NDC1: variants seen among roughly 807,000 people sequenced by gnomAD.
NDC1 encodes the protein NDC1 transmembrane nucleoporin.
In NDC1, 24 loss-of-function variants were observed where a neutral mutation model predicts 89.8. The observed-to-expected ratio is 0.27, with a 90% confidence interval of 0.19 to 0.38. The LOEUF is 0.38. Ranked by LOEUF, NDC1 falls within the 10% of genes least tolerant of loss-of-function variation. The pLI is 1.00. For synonymous variants in NDC1, 296 were observed against 284.8 expected, an observed-to-expected ratio of 1.04 and a Z score of -0.39; for missense variants, 728 against 797.6, an observed-to-expected ratio of 0.91 and a Z score of 1.05.
chr1:53,798,806 C>T (rs1185126727), intron 11 of NDC1, among the ~76,000 whole-genome samples: 5 of 152,146 alleles, frequency 3.3e-5, no homozygotes, highest in Admixed American at 6.5e-5. Flanking sequence ...CCACCTGCTT[C>T]GGCCTCCCAA....
At chr1:53,779,761 AG>A (rs1647189322) in intron 16 of NDC1, among the ~76,000 whole-genome samples, 1 of 152,232 alleles carries the variant, frequency 6.6e-6, no homozygotes, top group South Asian at 2.1e-4. Context: ...TTAACCTCAC[AG>A]GGTTTTACAA....
rs1647706635 is a variant in NDC1 at position 53,796,552 on chromosome 1, T to G, written c.1584+137A>C. 3 of 547,714 alleles carry G rather than the reference T, an allele frequency of 5.5e-6. No individual in the cohort carries two copies. The Admixed American group carries it at 1.1e-4, about 19-fold the overall frequency. The allele number at this position is 547,714 out of a possible 1,614,324, so 33.9% of individuals were successfully genotyped here. On this transcript the variant is annotated intron_variant, in intron 13 of 17. Coordinates refer to ENST00000371429, the MANE Select transcript of NDC1 (RefSeq NM_018087.5). ...TAGCTCAAACCAGTCAAATATTGGC[T>G]GTTTCATTTGAGTCAATACACGAAG...
At chr1:53,786,689 T>A (rs1379389698) in intron 16 of NDC1, among the ~76,000 whole-genome samples, 1 of 152,156 alleles carries the variant, frequency 6.6e-6, no homozygotes, top group Non-Finnish European at 1.5e-5. Flanking sequence ...TCTTCCAAAC[T>A]ATCTTTTAGT....
chr1:53,828,673 G>A (rs929385950), intron 3 of NDC1, among the ~76,000 whole-genome samples: 9 of 151,748 alleles, frequency 5.9e-5, no homozygotes, highest in East Asian at 1.9e-4. Context: ...GTGCAGTGGC[G>A]CAATCTTGGC....
At chr1:53,782,472 A>G (rs920371292) in intron 16 of NDC1, among the ~76,000 whole-genome samples, 2 of 152,228 alleles carry the variant, frequency 1.3e-5, no homozygotes, top group East Asian at 1.9e-4. Flanking sequence ...TGCAAGGTCT[A>G]AACTGGACAC....
intron 14 of NDC1, among the ~76,000 whole-genome samples, chr1:53,789,592 G>A (rs1647415348): frequency 6.6e-6 from 1 of 152,178 alleles, no homozygotes; most frequent in Non-Finnish European, 1.5e-5. Context: ...AAGGTCAGGA[G>A]TTCGAGACCA....
At chr1:53,788,025 A>G (rs745392422) in intron 15 of NDC1, among the ~76,000 whole-genome samples, 2 of 152,230 alleles carry the variant, frequency 1.3e-5, no homozygotes, top group East Asian at 1.9e-4. Context: ...ATAAGTTAAC[A>G]TAAGTTAAAA....
intron 5 of NDC1, among the ~76,000 whole-genome samples, chr1:53,820,127 T>C (rs974736607): frequency 6.6e-6 from 1 of 151,772 alleles, no homozygotes; most frequent in African/African-American, 2.4e-5. Flanking sequence ...TGGTGGCACA[T>C]GCCTGTAATC....
At chr1:53,819,184 T>C (rs150539770) in intron 5 of NDC1, 105 bp from the exon 6 acceptor site, 1 of 634,362 alleles carries the variant, frequency 1.6e-6, no homozygotes, top group East Asian at 3.1e-5. Flanking sequence ...ATAGAAAACA[T>C]AATTATTGTA....
chr1:53,836,699 A>C (rs1649245838), intron 1 of NDC1, among the ~76,000 whole-genome samples: 1 of 151,602 alleles, frequency 6.6e-6, no homozygotes, highest in Admixed American at 6.6e-5. Flanking sequence ...CGAACTCCTG[A>C]CCCCAAGTGA....
chr1:53,799,361 T>C (rs1647831389), intron 11 of NDC1, among the ~76,000 whole-genome samples: 1 of 152,228 alleles, frequency 6.6e-6, no homozygotes, highest in Non-Finnish European at 1.5e-5. Flanking sequence ...ATTTGTTGAA[T>C]AGAGGAATGC....
At chr1:53,797,384 C>T (rs922634481) in intron 11 of NDC1, among the ~76,000 whole-genome samples, 1 of 152,134 alleles carries the variant, frequency 6.6e-6, no homozygotes, top group African/African-American at 2.4e-5. Context: ...TTTCCCCCCC[C>T]ATGAATATCT....
chr1:53,807,475 T>C (rs1648150410), intron 8 of NDC1, among the ~76,000 whole-genome samples, 181 bp downstream of exon 8: 1 of 151,886 alleles, frequency 6.6e-6, no homozygotes, highest in African/African-American at 2.4e-5. Flanking sequence ...ACTGTTCCTC[T>C]GAAAAAAAAT....
intron 6 of NDC1, among the ~76,000 whole-genome samples, chr1:53,814,803 T>C (rs1648424274): frequency 6.6e-6 from 1 of 152,166 alleles, no homozygotes; most frequent in African/African-American, 2.4e-5. Context: ...TATGAAAGAT[T>C]GTTCACAACT....
At chr1:53,829,635 C>T (rs191312008) in intron 3 of NDC1, among the ~76,000 whole-genome samples, 85 of 152,282 alleles carry the variant, frequency 5.6e-4, no homozygotes, top group African/African-American at 2.0e-3. Context: ...CAATGCATGG[C>T]ATATAGTAAA....
intron 9 of NDC1, among the ~76,000 whole-genome samples, chr1:53,805,206 G>T (rs891180874): frequency 3.3e-5 from 5 of 152,160 alleles, no homozygotes; most frequent in African/African-American, 1.2e-4. Context: ...TTTGTTTAGA[G>T]ATGGGGTCTC....
intron 5 of NDC1, among the ~76,000 whole-genome samples, chr1:53,820,226 G>C (rs904535109): frequency 1.3e-5 from 2 of 151,944 alleles, no homozygotes; most frequent in East Asian, 1.9e-4. Context: ...CTGCACTCCA[G>C]CCTGGGCAAC....
At chr1:53,792,202 A>T (rs776408363) in intron 14 of NDC1, among the ~76,000 whole-genome samples, 1 of 152,116 alleles carries the variant, frequency 6.6e-6, no homozygotes, top group Non-Finnish European at 1.5e-5. Context: ...TTGGCCTCCA[A>T]AAGTGCTGGG....
chr1:53,815,659 A>G (rs765761135), intron 6 of NDC1, among the ~76,000 whole-genome samples: 4 of 152,180 alleles, frequency 2.6e-5, no homozygotes, highest in Non-Finnish European at 5.9e-5. Context: ...AGGAAGTCAA[A>G]CTGTCACTGT....
Sources: gnomAD v4.1 joint callset for allele counts (sites outside exome capture counted in the v4.1 genomes callset) on GRCh38, gnomAD v4.1.1 for gene constraint, MANE v1.5 for transcripts, NCBI Gene and HGNC (gene_info 2026-07-23, HGNC 2026-07-21) for gene names.